EFNA5: variants seen among roughly 807,000 people sequenced by gnomAD.
The protein encoded by EFNA5 is ephrin A5.
Under a neutral mutation model 22.9 loss-of-function variants are expected in EFNA5, and 5 were observed. That is an observed-to-expected ratio of 0.22 (90% CI 0.11 to 0.46). EFNA5 has a LOEUF of 0.46. Among genes scored for constraint, EFNA5 ranks in the 20% least tolerant of loss-of-function variants. The pLI is 0.99. For missense variants in EFNA5, 237 were observed against 293.3 expected, an observed-to-expected ratio of 0.81 and a Z score of 1.40; for synonymous variants, 113 against 112.2, an observed-to-expected ratio of 1.01 and a Z score of -0.04.
chr5:107,555,590 G>C (rs529631951), intron 1 of EFNA5, among the ~76,000 whole-genome samples: 18 of 152,144 alleles, frequency 1.2e-4, no homozygotes, highest in African/African-American at 4.3e-4. Flanking sequence ...ACCACAACAT[G>C]GGTTTAATTA....
chr5:107,617,599 T>C (rs746731663), intron 1 of EFNA5, among the ~76,000 whole-genome samples: 5 of 152,140 alleles, frequency 3.3e-5, no homozygotes, highest in Non-Finnish European at 7.3e-5. Context: ...AAATGCGTAT[T>C]GAGAGGCAAG....
chr5:107,617,233 C>CAGAGAGAGAGAGAGAGAG (rs1281823984), intron 1 of EFNA5, among the ~76,000 whole-genome samples: 7 of 149,180 alleles, frequency 4.7e-5, no homozygotes, highest in African/African-American at 1.7e-4. Context: ...CACACACACA[C>CAGAGAGAGAGAGAGAGAG]ACACAGAGAG....
At chr5:107,603,397 G>A (rs1020843429) in intron 1 of EFNA5, among the ~76,000 whole-genome samples, 1 of 152,248 alleles carries the variant, frequency 6.6e-6, no homozygotes, top group Admixed American at 6.5e-5. Context: ...TTTTCTAAGT[G>A]ACAGGATAAA....
chr5:107,487,575 T>C (rs1415713832), intron 1 of EFNA5, among the ~76,000 whole-genome samples: 1 of 152,162 alleles, frequency 6.6e-6, no homozygotes, highest in Non-Finnish European at 1.5e-5. Context: ...AGAAGTAAAA[T>C]GTAAATGTAA....
At chr5:107,457,403 A>G (rs1205381044) in intron 1 of EFNA5, among the ~76,000 whole-genome samples, 1 of 152,262 alleles carries the variant, frequency 6.6e-6, no homozygotes, top group East Asian at 1.9e-4. Flanking sequence ...AGTCCCTGAT[A>G]TAAAAAGGCA....
chr5:107,656,432 G>GAAC (rs1349763600), intron 1 of EFNA5, among the ~76,000 whole-genome samples: 1 of 151,886 alleles, frequency 6.6e-6, no homozygotes, highest in Non-Finnish European at 1.5e-5. Flanking sequence ...CATCTCTCAG[G>GAAC]AACAACATAT....
At chr5:107,479,901 A>C (rs1750411060) in intron 1 of EFNA5, among the ~76,000 whole-genome samples, 1 of 152,156 alleles carries the variant, frequency 6.6e-6, no homozygotes, top group African/African-American at 2.4e-5. Flanking sequence ...GAAAAAATGC[A>C]CACCAGTATA....
At position 107,380,362 on chromosome 5, in the gene EFNA5, CTT is replaced by C. The variant is rs1224358189; in HGVS notation, c.*891_*892del. On this transcript the variant is annotated 3_prime_UTR_variant, in exon 5 of 5. Transcript: ENST00000333274. ...GGTCACTTTATTCATAAAAATGCCT[CTT>C]TGAGTTTCTTAAAAAAAAAAAAAAA... is the stretch of plus-strand genomic sequence containing the variant. 2.4e-5 allele frequency: 2 copies of C among 81,942 alleles called. No homozygotes were observed. Among genetic ancestry groups the C allele is most frequent in the Non-Finnish European group, 4.3e-5 (2 of 46,912 alleles). The allele number at this position is 81,942 out of a possible 1,614,324, so 5.1% of individuals were successfully genotyped here.
chr5:107,548,203 C>T (rs559461631), intron 1 of EFNA5, among the ~76,000 whole-genome samples: 302 of 152,192 alleles, frequency 2.0e-3, no homozygotes, highest in South Asian at 0.012. Flanking sequence ...CTTCAGAATC[C>T]AATTCATTAT....
chr5:107,404,137 G>C (rs959855513), intron 2 of EFNA5, among the ~76,000 whole-genome samples: 9 of 152,132 alleles, frequency 5.9e-5, no homozygotes, highest in Non-Finnish European at 1.0e-4. Flanking sequence ...CTGAAATGAG[G>C]CCAAATAAGT....
At chr5:107,438,193 A>C (rs1425137578) in intron 1 of EFNA5, among the ~76,000 whole-genome samples, 1 of 152,042 alleles carries the variant, frequency 6.6e-6, no homozygotes, top group Non-Finnish European at 1.5e-5. Context: ...TCAGGCGGAG[A>C]AGCTTATTAT....
intron 1 of EFNA5, among the ~76,000 whole-genome samples, chr5:107,634,899 G>A (rs922510479): frequency 8.5e-5 from 13 of 152,110 alleles, no homozygotes; most frequent in Non-Finnish European, 1.8e-4. Flanking sequence ...TAAGGATGTT[G>A]ACAAATCAAA....
At chr5:107,552,962 A>G (rs1298716536) in intron 1 of EFNA5, among the ~76,000 whole-genome samples, 1 of 152,244 alleles carries the variant, frequency 6.6e-6, no homozygotes, top group Non-Finnish European at 1.5e-5. Context: ...ACAAGACAAT[A>G]TGAGGGCACT....
At chr5:107,615,210 T>C (rs1329004779) in intron 1 of EFNA5, among the ~76,000 whole-genome samples, 2 of 152,170 alleles carry the variant, frequency 1.3e-5, no homozygotes, top group South Asian at 2.1e-4. Flanking sequence ...GGCACCTGAC[T>C]GGCTTGTCAG....
intron 1 of EFNA5, among the ~76,000 whole-genome samples, chr5:107,464,588 A>G (rs1375424538): frequency 6.6e-6 from 1 of 152,116 alleles, no homozygotes; most frequent in Admixed American, 6.5e-5. Flanking sequence ...GAACAGTTTC[A>G]TTTCCTGCCT....
At chr5:107,455,779 T>G (rs879899632) in intron 1 of EFNA5, among the ~76,000 whole-genome samples, 3 of 152,188 alleles carry the variant, frequency 2.0e-5, no homozygotes, top group Non-Finnish European at 2.9e-5. Flanking sequence ...TGCAACCTGG[T>G]TATGGATAAT....
intron 1 of EFNA5, among the ~76,000 whole-genome samples, chr5:107,538,599 G>T (rs951759355): frequency 5.9e-5 from 9 of 152,182 alleles, no homozygotes; most frequent in Admixed American, 5.2e-4. Flanking sequence ...CTGACAAGGG[G>T]GGATGAGTAA....
At chr5:107,576,174 T>TAC (rs1285226434) in intron 1 of EFNA5, among the ~76,000 whole-genome samples, 2 of 152,208 alleles carry the variant, frequency 1.3e-5, no homozygotes, top group Admixed American at 1.3e-4. Context: ...CTGCTTTTCC[T>TAC]ACAGTGTTCT....
At chr5:107,584,549 A>G (rs558291198) in intron 1 of EFNA5, among the ~76,000 whole-genome samples, 39 of 152,330 alleles carry the variant, frequency 2.6e-4, no homozygotes, top group Admixed American at 7.8e-4. Flanking sequence ...TATTTTGGAT[A>G]GTCATTGCCT....
Sources: gnomAD v4.1 joint callset for allele counts (sites outside exome capture counted in the v4.1 genomes callset) on GRCh38, gnomAD v4.1.1 for gene constraint, MANE v1.5 for transcripts, NCBI Gene and HGNC (gene_info 2026-07-23, HGNC 2026-07-21) for gene names.